The following WASL variants were observed in gnomAD, a reference collection of about 807,000 sequenced individuals.
WASL encodes the protein actin nucleation-promoting factor WASL.
WASL carries 20 observed loss-of-function variants against 55.5 expected under a neutral mutation model. The observed-to-expected ratio is 0.36, with a 90% CI of 0.25 to 0.52. The LOEUF (loss-of-function observed/expected upper bound fraction) is 0.52, where lower values mean the gene tolerates loss of function less well. WASL is among the 20% of genes least tolerant of loss of function. WASL has a pLI of 0.92. For missense variants in WASL, 504 were observed against 622.5 expected, an observed-to-expected ratio of 0.81 and a Z score of 2.03; for synonymous variants, 249 against 217.6, an observed-to-expected ratio of 1.14 and a Z score of -1.27.
rs1259174093 is a variant in WASL at position 123,682,833 on chromosome 7, CTGT to C, written c.*1683_*1685del. On this transcript the variant is annotated 3_prime_UTR_variant, in exon 11 of 11. Transcript: ENST00000223023. Reference sequence around the variant, plus strand: ...AAAAGGTTTCTAGCAGCAGAGGGCACTGTTGTTGCAAGAAACAAAAAGTCTAGA... The same window carrying C: ...AAAAGGTTTCTAGCAGCAGAGGGCACTGTTGCAAGAAACAAAAAGTCTAGA... The C allele has an allele frequency of 3.9e-5, 6 of 152,080 alleles. No individual in the cohort carries two copies. Among genetic ancestry groups the C allele is most frequent in the Non-Finnish European group, 8.8e-5 (6 of 68,006 alleles). 9.4% of individuals were successfully genotyped at this position (152,080 alleles called of 1,614,324 possible).
chr7:123,685,143 G>A (rs915305807), intron 10 of WASL, among the ~76,000 whole-genome samples: 1 of 151,672 alleles, frequency 6.6e-6, no homozygotes, highest in Non-Finnish European at 1.5e-5. Context: ...TTGGATTATT[G>A]CAACTCTAGA....
Position 123,685,654 on chromosome 7 carries a change from T to C in WASL, c.1457-1074A>G, listed in dbSNP as rs75427930. Reference sequence around the variant, plus strand: ...GCTCCATGACAGCACGGACCTTGCCTATCTTATTTCTCACTGTATCCTCAA... The same window carrying C: ...GCTCCATGACAGCACGGACCTTGCCCATCTTATTTCTCACTGTATCCTCAA... On this transcript the variant is annotated intron_variant, in intron 10 of 10. Coordinates refer to ENST00000223023, the MANE Select transcript of WASL (RefSeq NM_003941.4). Among the ~76,000 whole-genome samples the C allele has an allele frequency of 3.8e-4, 58 of 151,922 alleles. No homozygotes were observed. In the East Asian group the frequency reaches 7.7e-3, roughly 20 times the overall value.
At chr7:123,719,936 T>C (rs1803909984) in intron 1 of WASL, among the ~76,000 whole-genome samples, 1 of 152,122 alleles carries the variant, frequency 6.6e-6, no homozygotes. Flanking sequence ...ATCCATTGAG[T>C]TCCCATAGTG....
At chr7:123,729,526 C>T (rs1454253126) in intron 1 of WASL, among the ~76,000 whole-genome samples, 3 of 152,164 alleles carry the variant, frequency 2.0e-5, no homozygotes, top group African/African-American at 7.2e-5. Flanking sequence ...TTTTAGATTA[C>T]TCCAAACTGT....
chr7:123,726,526 T>C (rs1049126476), intron 1 of WASL, among the ~76,000 whole-genome samples: 2 of 152,104 alleles, frequency 1.3e-5, no homozygotes, highest in Non-Finnish European at 2.9e-5. Context: ...AAAAGATACA[T>C]TAGCCTCACC....
At position 123,694,881 on chromosome 7, in the gene WASL, G is replaced by A. The variant is rs1191024848; in HGVS notation, c.673-13C>T. ...CCAAATTATTCAGCTACAAAAGAAA[G>A]TAACTGCTAACTATAAAAATATATC... On this transcript the variant is annotated splice_polypyrimidine_tract_variant and intron_variant, in intron 7 of 10. Coordinates refer to ENST00000223023, the MANE Select transcript of WASL (RefSeq NM_003941.4). 6.3e-7 allele frequency: 1 copy of A among 1,595,018 alleles called. No individual in the cohort carries two copies. The highest frequency in any genetic ancestry group is 1.4e-5 in the African/African-American group (1 of 73,416).
intron 7 of WASL, among the ~76,000 whole-genome samples, chr7:123,695,431 C>T (rs1334191008): frequency 6.6e-6 from 1 of 151,960 alleles, no homozygotes; most frequent in East Asian, 1.9e-4. Context: ...GGCAAAACTG[C>T]CAAAAAGAAC....
intron 5 of WASL, among the ~76,000 whole-genome samples, chr7:123,700,718 G>A (rs769819641): frequency 3.3e-5 from 5 of 152,152 alleles, no homozygotes; most frequent in African/African-American, 4.8e-5. Flanking sequence ...GATTACAGGC[G>A]TGAGCCACCG....
chr7:123,687,273 C>T (rs931472637), intron 10 of WASL, among the ~76,000 whole-genome samples: 3 of 152,138 alleles, frequency 2.0e-5, no homozygotes, highest in African/African-American at 4.8e-5. Context: ...CATTACTACA[C>T]CTCTGCTAAA....
chr7:123,713,696 T>G (rs1803795929), intron 1 of WASL, among the ~76,000 whole-genome samples: 2 of 152,224 alleles, frequency 1.3e-5, no homozygotes, highest in African/African-American at 4.8e-5. Flanking sequence ...CATTCCTAGA[T>G]GCTCTGATGA....
chr7:123,688,609 G>A (rs1227993472), intron 10 of WASL, among the ~76,000 whole-genome samples: 4 of 152,144 alleles, frequency 2.6e-5, no homozygotes, highest in East Asian at 1.9e-4. Context: ...TGATCCACCC[G>A]CCTCGGCCTC....
intron 4 of WASL, among the ~76,000 whole-genome samples, chr7:123,704,893 G>A (rs1282695616): frequency 6.6e-6 from 1 of 152,192 alleles, no homozygotes; most frequent in East Asian, 1.9e-4. Flanking sequence ...CTGGACTACA[G>A]TGAGCAAATG....
chr7:123,729,364 T>C (rs890787065), intron 1 of WASL, among the ~76,000 whole-genome samples: 4 of 152,320 alleles, frequency 2.6e-5, no homozygotes, highest in East Asian at 1.9e-4. Context: ...ATGTGGCTAA[T>C]GGCTACCAAG....
chr7:123,696,779 T>G, intron 5 of WASL, 32 bp from the exon 6 acceptor site: 3 of 1,402,510 alleles, frequency 2.1e-6, no homozygotes, highest in Non-Finnish European at 2.8e-6. Flanking sequence ...ATAAAAGGGA[T>G]ATAATTTAAG....
At chr7:123,744,911 A>G (rs1462963914) in intron 1 of WASL, among the ~76,000 whole-genome samples, 1 of 152,104 alleles carries the variant, frequency 6.6e-6, no homozygotes, top group Non-Finnish European at 1.5e-5. Flanking sequence ...ATTTATGTAA[A>G]AGTACATATC....
chr7:123,747,238 C>T (rs764849208), intron 1 of WASL, among the ~76,000 whole-genome samples: 1 of 152,138 alleles, frequency 6.6e-6, no homozygotes, highest in Non-Finnish European at 1.5e-5. Flanking sequence ...ATGACTTGGG[C>T]TCACTGGATC....
intron 10 of WASL, among the ~76,000 whole-genome samples, chr7:123,688,546 G>A (rs1156460190): frequency 6.6e-6 from 1 of 152,060 alleles, no homozygotes; most frequent in East Asian, 1.9e-4. Flanking sequence ...ATTTTTAGTA[G>A]AGATGGAGTT....
chr7:123,739,824 A>C (rs1037894760), intron 1 of WASL, among the ~76,000 whole-genome samples: 4 of 151,922 alleles, frequency 2.6e-5, no homozygotes, highest in African/African-American at 9.7e-5. Context: ...AAGTCCCACA[A>C]TGATATACCT....
At chr7:123,699,033 T>A (rs570173897) in intron 5 of WASL, among the ~76,000 whole-genome samples, 1 of 152,348 alleles carries the variant, frequency 6.6e-6, no homozygotes, top group Non-Finnish European at 1.5e-5. Flanking sequence ...TTACTTTGTT[T>A]CTTATCTTTA....
Sources: allele counts gnomAD v4.1 joint callset (sites outside exome capture counted in the v4.1 genomes callset), GRCh38; gene constraint gnomAD v4.1.1; transcripts MANE v1.5; gene names NCBI Gene and HGNC (gene_info 2026-07-23, HGNC 2026-07-21).